Variants in SEMA6D observed in about 807,000 individuals in gnomAD.
SEMA6D encodes the protein semaphorin 6D.
SEMA6D carries 35 observed loss-of-function variants against 106.6 expected under a neutral mutation model. The observed-to-expected ratio is 0.33, with a 90% CI of 0.25 to 0.44. The LOEUF is 0.44. SEMA6D is among the 20% of genes least tolerant of loss of function. SEMA6D has a pLI of 1.00. For missense variants in SEMA6D, 1,185 were observed against 1,345.9 expected (o/e 0.88, Z 1.87); for synonymous variants, 499 against 487.7 (o/e 1.02, Z -0.31).
At chr15:47,262,469 G>T (rs573302379) in intron 1 of SEMA6D, among the ~76,000 whole-genome samples, 1 of 152,144 alleles carries the variant, frequency 6.6e-6, no homozygotes, top group East Asian at 1.9e-4. Flanking sequence ...GAGAATGAGG[G>T]CTGAGCAAAG....
In SEMA6D at chr15:47,767,033, T is replaced by C. The variant is rs765858857; in HGVS notation, c.1709-4T>C. On this transcript the variant is annotated splice_region_variant and splice_polypyrimidine_tract_variant and intron_variant, in intron 16 of 18. Coordinates refer to ENST00000536845, the MANE Select transcript of SEMA6D (RefSeq NM_001358351.3). ...CTGATTACTTGTTCCTTTAATTCTT[T>C]TAGAAATTTTGCCTACTTCAACTAC... is the stretch of plus-strand genomic sequence containing the variant. 1 of 1,549,710 alleles carries C rather than the reference T, an allele frequency of 6.5e-7. No individual in the cohort carries two copies. The highest frequency in any genetic ancestry group is 8.7e-7 in the Non-Finnish European group (1 of 1,143,890).
intron 3 of SEMA6D, among the ~76,000 whole-genome samples, chr15:47,555,711 T>C (rs2045897677): frequency 6.6e-6 from 1 of 152,196 alleles, no homozygotes; most frequent in African/African-American, 2.4e-5. Context: ...AAGTTTCTAC[T>C]TAGTAGACCA....
intron 1 of SEMA6D, among the ~76,000 whole-genome samples, chr15:47,400,356 G>C (rs1310707033): frequency 6.6e-6 from 1 of 152,008 alleles, no homozygotes; most frequent in Admixed American, 6.6e-5. Flanking sequence ...CGGTGTGGTG[G>C]TGTGCACCTG....
chr15:47,412,761 A>G (rs1208823215), intron 2 of SEMA6D, among the ~76,000 whole-genome samples: 1 of 152,238 alleles, frequency 6.6e-6, no homozygotes, highest in Admixed American at 6.5e-5. Flanking sequence ...AACTACGTGT[A>G]TTCAGAAGAG....
At chr15:47,736,585 A>T in intron 1 of SEMA6D, among the ~76,000 whole-genome samples, 1 of 152,186 alleles carries the variant, frequency 6.6e-6, no homozygotes, top group East Asian at 1.9e-4. Context: ...ATGTAGGGTG[A>T]TTACTCTAGC....
At chr15:47,439,030 A>G (rs1434440659) in intron 2 of SEMA6D, among the ~76,000 whole-genome samples, 1 of 152,004 alleles carries the variant, frequency 6.6e-6, no homozygotes, top group East Asian at 1.9e-4. Context: ...AAGACATTTG[A>G]GTTCACCAGC....
chr15:47,533,924 T>C (rs1233463736), intron 3 of SEMA6D, among the ~76,000 whole-genome samples: 1 of 152,238 alleles, frequency 6.6e-6, no homozygotes, highest in African/African-American at 2.4e-5. Flanking sequence ...GTGTCAGATT[T>C]ATGAGTAATG....
At chr15:47,644,844 G>T (rs2077552335) in intron 4 of SEMA6D, among the ~76,000 whole-genome samples, 1 of 152,212 alleles carries the variant, frequency 6.6e-6, no homozygotes, top group African/African-American at 2.4e-5. Flanking sequence ...GATAACTGAA[G>T]TGGTTTGTTC....
At position 47,532,303 on chromosome 15, in the gene SEMA6D, T is replaced by C. The variant is rs74011499; in HGVS notation, c.-87+61758T>C. Among the ~76,000 whole-genome samples, 523 of 152,304 alleles carry C rather than the reference T, an allele frequency of 3.4e-3. 3 individuals carry two copies. Among genetic ancestry groups the C allele is most frequent in the African/African-American group, 0.012 (508 of 41,566 alleles). On this transcript the variant is annotated intron_variant, in intron 3 of 19. Coordinates refer to the SEMA6D transcript ENST00000558014. ...AAAAACTGTCAATGAATAAAGACAT[T>C]TATTGAAAGAATACAGTAAAATCTC...
intron 3 of SEMA6D, among the ~76,000 whole-genome samples, chr15:47,579,331 G>A (rs554322582): frequency 4.6e-5 from 7 of 151,646 alleles, no homozygotes; most frequent in South Asian, 2.1e-4. Flanking sequence ...TAGTAGAGAC[G>A]GGGTTTCTCC....
intron 1 of SEMA6D, among the ~76,000 whole-genome samples, chr15:47,332,930 C>T (rs2037401312): frequency 6.6e-6 from 1 of 152,244 alleles, no homozygotes; most frequent in African/African-American, 2.4e-5. Flanking sequence ...TTACCACCCC[C>T]AACAACTAGT....
At chr15:47,410,516 C>T (rs1334297973) in intron 1 of SEMA6D, among the ~76,000 whole-genome samples, 1 of 152,148 alleles carries the variant, frequency 6.6e-6, no homozygotes, top group East Asian at 1.9e-4. Context: ...AAATTCGGTG[C>T]TCCTCATTTG....
At chr15:47,749,898 G>A (rs1007115695) in intron 1 of SEMA6D, among the ~76,000 whole-genome samples, 2 of 152,140 alleles carry the variant, frequency 1.3e-5, no homozygotes, top group East Asian at 3.9e-4. Flanking sequence ...AGCAGCTAGG[G>A]AGGTGGGAAG....
intron 1 of SEMA6D, among the ~76,000 whole-genome samples, chr15:47,289,053 G>A (rs965563798): frequency 1.7e-4 from 26 of 152,132 alleles, no homozygotes; most frequent in African/African-American, 5.3e-4. Flanking sequence ...AAGATTAAAT[G>A]AGACTCAAAT....
At chr15:47,706,891 A>G (rs78594742) in intron 4 of SEMA6D, among the ~76,000 whole-genome samples, 194 of 152,306 alleles carry the variant, frequency 1.3e-3, no homozygotes, top group African/African-American at 4.3e-3. Flanking sequence ...TGCTACCTCA[A>G]AGCACCCTGA....
intron 3 of SEMA6D, among the ~76,000 whole-genome samples, chr15:47,545,387 T>C (rs1470868163): frequency 6.6e-6 from 1 of 152,138 alleles, no homozygotes; most frequent in Non-Finnish European, 1.5e-5. Flanking sequence ...ATTACTAAGG[T>C]TGTTGGTTGT....
At chr15:47,184,711 G>A (rs1893425183) in intron 1 of SEMA6D, among the ~76,000 whole-genome samples, 1 of 152,178 alleles carries the variant, frequency 6.6e-6, no homozygotes, top group Non-Finnish European at 1.5e-5. Flanking sequence ...CCGGGGGGAG[G>A]GAGCGGAAGC....
chr15:47,372,047 A>G (rs1286254866), intron 1 of SEMA6D, among the ~76,000 whole-genome samples: 3 of 152,172 alleles, frequency 2.0e-5, no homozygotes, highest in African/African-American at 7.2e-5. Flanking sequence ...AACCACTACA[A>G]TGTAGTGTAT....
chr15:47,364,033 C>T (rs990437727), intron 1 of SEMA6D, among the ~76,000 whole-genome samples: 6 of 152,096 alleles, frequency 3.9e-5, no homozygotes, highest in Admixed American at 1.3e-4. Context: ...CTCCCTCCCT[C>T]GACACATGAA....
Sources: gnomAD v4.1 joint callset for allele counts (sites outside exome capture counted in the v4.1 genomes callset) on GRCh38, gnomAD v4.1.1 for gene constraint, MANE v1.5 for transcripts, NCBI Gene and HGNC (gene_info 2026-07-23, HGNC 2026-07-21) for gene names.